MYO1E: variants seen among roughly 807,000 people sequenced by gnomAD.
The protein encoded by MYO1E is myosin IE.
In MYO1E, 68 loss-of-function variants were observed where a neutral mutation model predicts 151.1. The observed-to-expected ratio is 0.45, with a 90% CI of 0.37 to 0.55. MYO1E has a LOEUF of 0.55. Ranked by LOEUF, MYO1E falls within the 20% of genes least tolerant of loss-of-function variation. The pLI, the probability that MYO1E is intolerant of heterozygous loss-of-function variation, is 0.00. For synonymous variants in MYO1E, 601 were observed against 501.7 expected, an observed-to-expected ratio of 1.20 and a Z score of -2.64; for missense variants, 1,363 against 1,389.3, an observed-to-expected ratio of 0.98 and a Z score of 0.30.
rs375316658 is a variant in MYO1E, at chr15:59,207,177, G to A, written c.1530+1504C>T. ...AGGTCTCCATCATAGGAACTGGATC[G>A]GTGGGCATGGCCTGCGCTATCAGCA... On this transcript the variant is annotated intron_variant, in intron 14 of 27. Transcript: ENST00000288235. The A allele has an allele frequency of 2.4e-4, 385 of 1,614,104 alleles. 1 individual carries two copies. The highest frequency in any genetic ancestry group is 2.9e-4 in the Non-Finnish European group (346 of 1,180,048).
chr15:59,273,999 G>A (rs1485196624), intron 1 of MYO1E, among the ~76,000 whole-genome samples: 2 of 152,002 alleles, frequency 1.3e-5, no homozygotes, highest in Non-Finnish European at 2.9e-5. Context: ...AGGAGAAGAT[G>A]ACAAGAAACA....
At chr15:59,214,386 T>C in intron 11 of MYO1E, 72 bp from the exon 12 acceptor site, 1 of 1,149,002 alleles carries the variant, frequency 8.7e-7, no homozygotes. Flanking sequence ...GAGTGATTTA[T>C]TGAAATGTCT....
At chr15:59,202,189 G>T (rs937484791) in intron 16 of MYO1E, 137 bp downstream of exon 16, 1 of 737,026 alleles carries the variant, frequency 1.4e-6, no homozygotes, top group Non-Finnish European at 2.4e-6. Flanking sequence ...AACAAGCAGC[G>T]ATGTTACTTC....
chr15:59,354,368 T>C lies in MYO1E; in HGVS notation c.3+18130A>G, dbSNP rs533186178. Among the ~76,000 whole-genome samples, 3 of 152,240 alleles carry C rather than the reference T, an allele frequency of 2.0e-5. No homozygotes were observed. In the South Asian group the frequency reaches 6.2e-4, roughly 32 times the overall value. ...AACAGACACAACCTTGGTCAGGAAATTTCACATTCTGAAAGTCCGTATCAC... is the reference window on the plus strand; with the variant it reads ...AACAGACACAACCTTGGTCAGGAAACTTCACATTCTGAAAGTCCGTATCAC... On this transcript the variant is annotated intron_variant, in intron 1 of 27. Transcript: ENST00000288235.
Position 59,236,630 on chromosome 15 carries a change from G to A in MYO1E, c.375C>T (p.Ile125=). 9 of 1,613,944 alleles carry A rather than the reference G, an allele frequency of 5.6e-6. No individual in the cohort carries two copies. The highest frequency in any genetic ancestry group is 7.6e-6 in the Non-Finnish European group (9 of 1,179,944). The change falls in exon 5 of 28, where the codon ATC becomes ATT. Residue 125 remains isoleucine, a synonymous_variant. Coordinates refer to ENST00000288235, the MANE Select transcript of MYO1E (RefSeq NM_004998.4). ...CAGACACTCTGGAGATGTAGCTCAT[G>A]ATATATTTGGCAGCCACTGTTTTTC... ...GAGKTVAAKY[I]MSYISRVSGG... is the part of the protein sequence containing the mutation.
At chr15:59,331,913 T>C (rs1484976307) in intron 1 of MYO1E, among the ~76,000 whole-genome samples, 5 of 152,080 alleles carry the variant, frequency 3.3e-5, no homozygotes, top group Non-Finnish European at 7.4e-5. Flanking sequence ...AGGGCAAGGG[T>C]GATATTCAAA....
chr15:59,178,728 G>A (rs1446701132), intron 18 of MYO1E, among the ~76,000 whole-genome samples, 191 bp from the exon 19 acceptor site: 3 of 152,212 alleles, frequency 2.0e-5, no homozygotes, highest in African/African-American at 7.2e-5. Flanking sequence ...TGGGATGCTC[G>A]TTCCCGAGCT....
Position 59,137,265 on chromosome 15 carries a change from C to A in MYO1E, c.*115G>T. ...CCATGGGGAAGGTACCAGAATAGCT[C>A]CAGGCCTTGGAGAAGCAATTGCTCA... On this transcript the variant is annotated 3_prime_UTR_variant, in exon 28 of 28. Coordinates refer to ENST00000288235, the MANE Select transcript of MYO1E (RefSeq NM_004998.4). 2.1e-6 allele frequency: 2 copies of A among 961,970 alleles called. No individual in the cohort carries two copies. Among genetic ancestry groups the A allele is most frequent in the South Asian group, 2.7e-5 (2 of 74,550 alleles). The allele number at this position is 961,970 out of a possible 1,614,324, so 59.6% of individuals were successfully genotyped here. A position where few individuals can be genotyped will look rare whatever the true frequency, so the allele number is the denominator to read the frequency against.
At chr15:59,181,689 T>C (rs930519684) in intron 18 of MYO1E, among the ~76,000 whole-genome samples, 3 of 152,232 alleles carry the variant, frequency 2.0e-5, no homozygotes, top group Non-Finnish European at 2.9e-5. Context: ...ACACAGAATA[T>C]TTCCTAAGCA....
intron 4 of MYO1E, among the ~76,000 whole-genome samples, chr15:59,238,285 T>C (rs2080078959): frequency 1.3e-5 from 2 of 152,226 alleles, no homozygotes; most frequent in Non-Finnish European, 2.9e-5. Context: ...TTACACGGTT[T>C]GGCAACAATG....
intron 18 of MYO1E, among the ~76,000 whole-genome samples, chr15:59,181,473 G>C (rs2079657932): frequency 6.6e-6 from 1 of 152,206 alleles, no homozygotes; most frequent in Non-Finnish European, 1.5e-5. Flanking sequence ...ACTTTCTGAA[G>C]GCATAAAAGT....
chr15:59,137,854 C>T (rs566095565), intron 27 of MYO1E, among the ~76,000 whole-genome samples: 38 of 152,310 alleles, frequency 2.5e-4, no homozygotes, highest in African/African-American at 9.1e-4. Flanking sequence ...TTGGTCTGAT[C>T]AGAATAAAAG....
chr15:59,149,823 G>C (rs2079465712), intron 26 of MYO1E, among the ~76,000 whole-genome samples: 3 of 152,240 alleles, frequency 2.0e-5, no homozygotes, highest in Admixed American at 2.0e-4. Flanking sequence ...GATTGGTAAA[G>C]TCAAGGTGAC....
intron 1 of MYO1E, among the ~76,000 whole-genome samples, chr15:59,346,517 A>G (rs926531759): frequency 6.6e-6 from 1 of 152,220 alleles, no homozygotes; most frequent in Non-Finnish European, 1.5e-5. Flanking sequence ...CATGATATCC[A>G]TTAAATTATA....
At chr15:59,152,101 T>C (rs1289342160) in intron 26 of MYO1E, among the ~76,000 whole-genome samples, 3 of 149,576 alleles carry the variant, frequency 2.0e-5, no homozygotes, top group East Asian at 3.9e-4. Context: ...TGGTGGTGCG[T>C]GCCTGTAATC....
intron 24 of MYO1E, among the ~76,000 whole-genome samples, chr15:59,160,212 T>G (rs2079529611): frequency 6.6e-6 from 1 of 152,102 alleles, no homozygotes; most frequent in Admixed American, 6.5e-5. Flanking sequence ...AATATCACAG[T>G]ATATGCATAC....
At chr15:59,253,901 C>CTTTTTTTTT (rs34819314) in intron 4 of MYO1E, among the ~76,000 whole-genome samples, 15 of 135,820 alleles carry the variant, frequency 1.1e-4, no homozygotes, top group Non-Finnish European at 1.9e-4. Flanking sequence ...GACAAACAAC[C>CTTTTTTTTT]TTTTTTTTTT....
chr15:59,137,466 G>A lies in MYO1E; in HGVS notation c.3251-10C>T. On this transcript the variant is annotated splice_polypyrimidine_tract_variant and intron_variant, in intron 27 of 27. Transcript: ENST00000288235. ...CACCAGCCAGAAGGATCTGCAGGGAGAGAGAGGTGGTGGAAGTGAAGATGA... is the reference window on the plus strand; with the variant it reads ...CACCAGCCAGAAGGATCTGCAGGGAAAGAGAGGTGGTGGAAGTGAAGATGA... The A allele has an allele frequency of 6.2e-7, 1 of 1,613,304 alleles. No individual in the cohort carries two copies. Among genetic ancestry groups the A allele is most frequent in the Non-Finnish European group, 8.5e-7 (1 of 1,179,302 alleles).
rs2080293415 is a variant in MYO1E at position 59,272,362 on chromosome 15, T to A, written c.91A>T (p.Thr31Ser). ...VDDMVLLSKI[T>S]ENSIVENLKK... Reference sequence around the variant, plus strand: ...AGATTCTCCACGATGGAGTTCTCTGTGATCTTGGACAGTAGCACCATGTCG... The same window carrying A: ...AGATTCTCCACGATGGAGTTCTCTGAGATCTTGGACAGTAGCACCATGTCG... Residue 31 changes from threonine (T) to serine (S), a missense_variant, in exon 2 of 28, where the codon ACA becomes TCA. Physicochemically the swap from Thr to Ser is moderately conservative, Grantham distance 58. Coordinates refer to ENST00000288235, the MANE Select transcript of MYO1E (RefSeq NM_004998.4). The A allele has an allele frequency of 1.2e-6, 2 of 1,613,984 alleles. No individual in the cohort carries two copies. Among genetic ancestry groups the A allele is most frequent in the South Asian group, 1.1e-5 (1 of 91,090 alleles).
Sources: gnomAD v4.1 joint callset for allele counts (sites outside exome capture counted in the v4.1 genomes callset) on GRCh38, gnomAD v4.1.1 for gene constraint, MANE v1.5 for transcripts, NCBI Gene and HGNC (gene_info 2026-07-23, HGNC 2026-07-21) for gene names.